MDH1B: variants seen among roughly 807,000 people sequenced by gnomAD.
MDH1B encodes the protein putative malate dehydrogenase 1B.
MDH1B carries 60 observed loss-of-function variants against 61.4 expected under a neutral mutation model. That is an observed-to-expected ratio of 0.98 (90% CI 0.79 to 1.21). The LOEUF (loss-of-function observed/expected upper bound fraction) is 1.21. Ranked by LOEUF, MDH1B falls within the 50% of genes most tolerant of loss-of-function variation. MDH1B has a pLI of 0.00. For missense variants in MDH1B, 587 were observed against 632.1 expected, an observed-to-expected ratio of 0.93 and a Z score of 0.76; for synonymous variants, 236 against 218.7, an observed-to-expected ratio of 1.08 and a Z score of -0.70.
In MDH1B at chr2:206,755,297, C is replaced by A. The variant is rs767858740; in HGVS notation, c.622G>T (p.Ala208Ser). 1 of 1,614,198 alleles carries A rather than the reference C, an allele frequency of 6.2e-7. No individual in the cohort carries two copies. The highest frequency in any genetic ancestry group is 1.7e-5 in the Admixed American group (1 of 60,030). The change falls in exon 5 of 12, where the codon GCC becomes TCC. Residue 208 changes from alanine (A) to serine (S), a missense_variant. By Grantham distance (99) the Ala-to-Ser change is moderately conservative (BLOSUM62 1). Transcript: ENST00000374412. ...TCATCCAGCACCACAATGACGTGGG[C>A]CTGGCGGAAGGCCTCCTCCACCTTC... The part of the protein sequence containing the change: ...CTKVEEAFRQ[A>S]HVIVVLDDST...
chr2:206,739,144 G>A (rs1025823602), intron 11 of MDH1B, among the ~76,000 whole-genome samples: 11 of 152,128 alleles, frequency 7.2e-5, no homozygotes, highest in Admixed American at 2.6e-4. Flanking sequence ...GGCCAGGCAC[G>A]GTGGCTCACG....
chr2:206,752,519 C>T lies in MDH1B; in HGVS notation c.911-1444G>A, dbSNP rs937012726. Among the ~76,000 whole-genome samples the T allele has an allele frequency of 3.7e-4, 52 of 141,082 alleles. 1 individual carries two copies. The highest frequency in any genetic ancestry group is 2.7e-4 in the South Asian group (1 of 3,748). The allele number at this position is 141,082 out of a possible 152,430, so 92.6% of individuals were successfully genotyped here. Reference sequence around the variant, plus strand: ...CTCAGGGGAGTTAGTGATGTGCTCCCGGGTCCCTCAGCTGCAGGTTGTAGG... The same window carrying T: ...CTCAGGGGAGTTAGTGATGTGCTCCTGGGTCCCTCAGCTGCAGGTTGTAGG... On this transcript the variant is annotated intron_variant, in intron 5 of 11. Coordinates refer to ENST00000374412, the MANE Select transcript of MDH1B (RefSeq NM_001039845.3).
At chr2:206,746,691 T>C (rs1688130470) in intron 7 of MDH1B, among the ~76,000 whole-genome samples, 1 of 152,194 alleles carries the variant, frequency 6.6e-6, no homozygotes, top group Admixed American at 6.5e-5. Context: ...TTTTGAACCC[T>C]GTCTGTATTC....
At chr2:206,741,761 G>T (rs966846269) in intron 9 of MDH1B, among the ~76,000 whole-genome samples, 5 of 152,032 alleles carry the variant, frequency 3.3e-5, no homozygotes, top group Non-Finnish European at 7.4e-5. Flanking sequence ...TACAGATTTT[G>T]GTACCAGGAG....
At chr2:206,750,432 T>TGGTCACACAGCTACTAA (rs1326472092) in intron 6 of MDH1B, among the ~76,000 whole-genome samples, 2 of 149,206 alleles carry the variant, frequency 1.3e-5, no homozygotes, top group Non-Finnish European at 3.0e-5. Context: ...GGTAACATGA[T>TGGTCACACAGCTACTAA]GGTCACACAG....
In MDH1B at chr2:206,760,885, T is replaced by C. The variant is rs894667433; in HGVS notation, c.135+16A>G. ...TTGTGCATGAGTGAGTTCAACAAAC[T>C]ATAAAGGCTTCTTACCTCCCAAACC... On this transcript the variant is annotated intron_variant, in intron 2 of 11. Transcript: ENST00000374412. 4 of 1,466,514 alleles carry C rather than the reference T, an allele frequency of 2.7e-6. No individual in the cohort carries two copies. The highest frequency in any genetic ancestry group is 1.4e-5 in the African/African-American group (1 of 71,992). 90.8% of individuals were successfully genotyped at this position (1,466,514 alleles called of 1,614,324 possible).
At chr2:206,747,947 T>A (rs1688210406) in intron 7 of MDH1B, among the ~76,000 whole-genome samples, 1 of 152,146 alleles carries the variant, frequency 6.6e-6, no homozygotes, top group Non-Finnish European at 1.5e-5. Context: ...AAGCTAGAGC[T>A]CGGCAGAGAG....
At chr2:206,758,771 C>CAAACAA (rs57657864) in intron 2 of MDH1B, among the ~76,000 whole-genome samples, 1 of 150,210 alleles carries the variant, frequency 6.7e-6, no homozygotes, top group African/African-American at 2.5e-5. Flanking sequence ...CATCTCAAAA[C>CAAACAA]ACACACACAC....
intron 11 of MDH1B, 54 bp downstream of exon 11, chr2:206,739,539 C>A (rs751950936): frequency 2.7e-6 from 4 of 1,480,812 alleles, no homozygotes; most frequent in Non-Finnish European, 2.8e-6. Context: ...CTCTATTACC[C>A]AGTTCCACTT....
intron 8 of MDH1B, 57 bp from the exon 9 acceptor site, chr2:206,745,730 CTTT>C (rs140066038): frequency 0.026 from 19,442 of 736,310 alleles, 51 homozygotes; most frequent in African/African-American, 0.067. Context: ...CTTAATTCTT[CTTT>C]TTTTTTTTTT....
chr2:206,761,954 G>C (rs140092682), intron 1 of MDH1B, among the ~76,000 whole-genome samples: 8 of 151,948 alleles, frequency 5.3e-5, no homozygotes, highest in African/African-American at 1.9e-4. Flanking sequence ...CTATCCTTTT[G>C]GGAAATGAGC....
intron 5 of MDH1B, among the ~76,000 whole-genome samples, chr2:206,751,835 T>C (rs188083991): frequency 1.1e-3 from 162 of 152,346 alleles, no homozygotes; most frequent in African/African-American, 3.7e-3. Context: ...GAATGTTGTA[T>C]GAAAACTTTA....
chr2:206,759,847 C>A (rs544397751), intron 2 of MDH1B, among the ~76,000 whole-genome samples: 2 of 152,162 alleles, frequency 1.3e-5, no homozygotes, highest in Non-Finnish European at 2.9e-5. Flanking sequence ...GAAGCACTAC[C>A]AACCCAGCAG....
chr2:206,745,278 T>C (rs1000290596), intron 9 of MDH1B: 12 of 443,862 alleles, frequency 2.7e-5, no homozygotes, highest in Non-Finnish European at 5.3e-5. Flanking sequence ...TGCTGATACC[T>C]CACATCAGGT....
chr2:206,743,886 C>T (rs1246580458), intron 9 of MDH1B, among the ~76,000 whole-genome samples: 1 of 152,154 alleles, frequency 6.6e-6, no homozygotes. Flanking sequence ...GATATTTCCA[C>T]ATCCTAAATA....
In MDH1B at chr2:206,755,164, C is replaced by CT; in HGVS notation, c.754dup (p.Arg252LysfsTer38). 1.2e-6 allele frequency: 2 copies of CT among 1,614,210 alleles called. No individual in the cohort carries two copies. The highest frequency in any genetic ancestry group is 1.7e-6 in the Non-Finnish European group (2 of 1,180,042). ...AAAGGTTCTCCCTCCCACGATGACTCTGACAGACTCATGAGCATTTTTCTC... is the reference window on the plus strand; with the variant it reads ...AAAGGTTCTCCCTCCCACGATGACTCTTGACAGACTCATGAGCATTTTTCTC... On this transcript the variant is annotated frameshift_variant, in exon 5 of 12. Coordinates refer to ENST00000374412, the MANE Select transcript of MDH1B (RefSeq NM_001039845.3). LOFTEE classifies it high-confidence loss of function.
At chr2:206,741,821 C>T (rs1574619932) in intron 9 of MDH1B, among the ~76,000 whole-genome samples, 2 of 152,074 alleles carry the variant, frequency 1.3e-5, no homozygotes, top group Admixed American at 6.6e-5. Flanking sequence ...TGTTGGTTTT[C>T]GGGTTTCTGG....
chr2:206,759,301 A>G (rs1688955231), intron 2 of MDH1B, among the ~76,000 whole-genome samples: 1 of 152,170 alleles, frequency 6.6e-6, no homozygotes, highest in Non-Finnish European at 1.5e-5. Context: ...ATGTCCCTGC[A>G]AAGGACATGA....
In MDH1B at chr2:206,760,957, T is replaced by C; in HGVS notation, c.79A>G (p.Lys27Glu). The C allele has an allele frequency of 1.2e-6, 2 of 1,613,242 alleles. No homozygotes were observed. The highest frequency in any genetic ancestry group is 1.7e-6 in the Non-Finnish European group (2 of 1,179,382). Residue 27 changes from lysine to glutamate, a missense_variant, in exon 2 of 12, where the codon AAG becomes GAG. Lys to Glu is a moderately conservative substitution (Grantham distance 56, BLOSUM62 1). Transcript: ENST00000374412. Reference sequence around the variant, plus strand: ...TGTATCCGAAAATCAGGAAGATTCTTTTGTAAATAGTCTGCCACAAGTTCT... The same window carrying C: ...TGTATCCGAAAATCAGGAAGATTCTCTTGTAAATAGTCTGCCACAAGTTCT... ...KTELVADYLQ[K>E]NLPDFRIHKI...
Sources: allele counts gnomAD v4.1 joint callset (sites outside exome capture counted in the v4.1 genomes callset), GRCh38; gene constraint gnomAD v4.1.1; transcripts MANE v1.5; gene names NCBI Gene and HGNC (gene_info 2026-07-23, HGNC 2026-07-21).